The following LRRC8C variants were observed in gnomAD, a reference collection of about 807,000 sequenced individuals.
LRRC8C encodes volume-regulated anion channel subunit LRRC8C.
In LRRC8C, 20 loss-of-function variants were observed where a neutral mutation model predicts 55.3. The observed-to-expected ratio is 0.36, with a 90% CI of 0.25 to 0.53. LRRC8C has a LOEUF of 0.53. Among genes scored for constraint, LRRC8C ranks in the 20% least tolerant of loss-of-function variants. The pLI is 0.92. For synonymous variants in LRRC8C, 376 were observed against 360.7 expected (o/e 1.04, Z -0.48); for missense variants, 659 against 951.4 (o/e 0.69, Z 4.04).
chr1:89,631,312 A>AT (rs768763972), upstream of LRRC8C, among the ~76,000 whole-genome samples: 11 of 152,124 alleles, frequency 7.2e-5, no homozygotes, highest in Non-Finnish European at 1.5e-4. Flanking sequence ...AAGAATAGGG[A>AT]TTTCATCCTG....
At position 89,694,925 on chromosome 1, in the gene LRRC8C, T is replaced by C. The variant is rs868143923; in HGVS notation, c.138+8314T>C. On this transcript the variant is annotated intron_variant, in intron 2 of 2. Coordinates refer to ENST00000370454, the MANE Select transcript of LRRC8C (RefSeq NM_032270.5). ...CTGTTTCTAATAAAAGTATAAAGAC[T>C]TTTTTTTTTTTTTTTTGATACAGAG... Among the ~76,000 whole-genome samples the C allele has an allele frequency of 9.3e-3, 1,061 of 113,516 alleles. 7 individuals are homozygous for C. The highest frequency in any genetic ancestry group is 0.044 in the African/African-American group (1,024 of 23,106). 74.5% of individuals were successfully genotyped at this position (113,516 alleles called of 152,430 possible). A position where few individuals can be genotyped will look rare whatever the true frequency, so the allele number is the denominator to read the frequency against.
intron 1 of LRRC8C, among the ~76,000 whole-genome samples, chr1:89,681,975 A>G (rs1281187206): frequency 6.6e-6 from 1 of 152,188 alleles, no homozygotes. Flanking sequence ...CAGGAGATCG[A>G]GACCATCCTG....
chr1:89,661,465 G>C (rs1490136361), intron 1 of LRRC8C: 2 of 202,678 alleles, frequency 9.9e-6, no homozygotes, highest in Non-Finnish European at 2.1e-5. Flanking sequence ...CATGTTTGCT[G>C]AAGAGGCCTC....
At chr1:89,692,919 T>A (rs995877060) in intron 2 of LRRC8C, among the ~76,000 whole-genome samples, 1 of 152,184 alleles carries the variant, frequency 6.6e-6, no homozygotes, top group African/African-American at 2.4e-5. Context: ...GGTTATCTTA[T>A]TATGACCAAA....
chr1:89,698,967 C>T (rs999399782), intron 2 of LRRC8C, among the ~76,000 whole-genome samples: 6 of 149,896 alleles, frequency 4.0e-5, no homozygotes, highest in Admixed American at 6.7e-5. Flanking sequence ...AGACAAGTCC[C>T]GAAGGTGGAA....
chr1:89,714,057 T>C lies in LRRC8C; in HGVS notation c.1487T>C (p.Leu496Ser), dbSNP rs1658734294. Residue 496 changes from leucine (L) to serine (S), a missense_variant, in exon 3 of 3, where the codon TTG becomes TCG. This residue lies in a region of LRRC8C where 344 missense variants were observed against 464.6 expected (regional missense o/e 0.74). Coordinates refer to ENST00000370454, the MANE Select transcript of LRRC8C (RefSeq NM_032270.5). This position sits in a 1 kb window ranked among gnomAD's most constrained non-coding sequence, Gnocchi z 4.6. The part of the protein sequence containing the change: ...LSFLKENLKV[L>S]SVKFDDMREL... The stretch of plus-strand genomic sequence containing the variant: ...TTCCTGAAGGAAAACCTCAAGGTCT[T>C]GAGCGTCAAGTTTGATGACATGAGG... The C allele has an allele frequency of 6.2e-7, 1 of 1,613,828 alleles. No homozygotes were observed. Among genetic ancestry groups the C allele is most frequent in the Non-Finnish European group, 8.5e-7 (1 of 1,180,016 alleles).
chr1:89,684,051 C>T (rs1272982742), intron 1 of LRRC8C, among the ~76,000 whole-genome samples: 1 of 151,906 alleles, frequency 6.6e-6, no homozygotes, highest in East Asian at 1.9e-4. Context: ...AATGATGTAT[C>T]TTGATGGATG....
the LRRC8C span, among the ~76,000 whole-genome samples, chr1:89,618,443 C>T: frequency 6.6e-6 from 1 of 152,194 alleles, no homozygotes. Flanking sequence ...TGAGCAGCTA[C>T]TCTGGGCCAG....
intron 1 of LRRC8C, among the ~76,000 whole-genome samples, chr1:89,665,942 A>C (rs1557654117): frequency 6.6e-6 from 1 of 152,136 alleles, no homozygotes; most frequent in Non-Finnish European, 1.5e-5. Flanking sequence ...ACTTACTATT[A>C]TGTTGCAGTT....
rs1049480296 is a variant in LRRC8C, at chr1:89,701,688, G to T, written c.139-11021G>T. ...TAATAATTTGTCTCGACTAATTTTTGTATTATGATACACACATCTGCGAAA... is the reference window on the plus strand; with the variant it reads ...TAATAATTTGTCTCGACTAATTTTTTTATTATGATACACACATCTGCGAAA... On this transcript the variant is annotated intron_variant, in intron 2 of 2. Transcript: ENST00000370454. 2.6e-5 allele frequency among the ~76,000 whole-genome samples: 4 copies of T among 152,060 alleles called. 1 individual carries two copies. The highest frequency in any genetic ancestry group is 9.7e-5 in the African/African-American group (4 of 41,390).
intron 1 of LRRC8C, among the ~76,000 whole-genome samples, chr1:89,644,745 T>A (rs1656567702): frequency 6.6e-6 from 1 of 152,192 alleles, no homozygotes; most frequent in African/African-American, 2.4e-5. Context: ...ATATAAACTC[T>A]TACCAAATCT....
chr1:89,655,485 C>T (rs1656918418), intron 1 of LRRC8C, among the ~76,000 whole-genome samples: 1 of 152,110 alleles, frequency 6.6e-6, no homozygotes, highest in Non-Finnish European at 1.5e-5. Flanking sequence ...CTTCAAATGT[C>T]TTAGTTTGTT....
At chr1:89,646,604 A>G (rs1656622132) in intron 1 of LRRC8C, among the ~76,000 whole-genome samples, 1 of 152,108 alleles carries the variant, frequency 6.6e-6, no homozygotes, top group African/African-American at 2.4e-5. Context: ...AAGATTTTCT[A>G]TCAATCTCAT....
chr1:89,622,686 G>A, the LRRC8C span, among the ~76,000 whole-genome samples: 3 of 152,260 alleles, frequency 2.0e-5, no homozygotes, highest in Admixed American at 6.5e-5. Flanking sequence ...CTCAGCAAAT[G>A]TTAATCAGCT....
chr1:89,648,230 T>C (rs1656666631), intron 1 of LRRC8C, among the ~76,000 whole-genome samples: 1 of 152,222 alleles, frequency 6.6e-6, no homozygotes, highest in Non-Finnish European at 1.5e-5. Context: ...CTAATTTTAA[T>C]ATTAGCCCCT....
chr1:89,630,817 G>C (rs1394421378), upstream of LRRC8C, among the ~76,000 whole-genome samples: 8 of 152,200 alleles, frequency 5.3e-5, no homozygotes, highest in African/African-American at 1.9e-4. Flanking sequence ...ATGTGAATTA[G>C]GTGGACTGAG....
the LRRC8C span, among the ~76,000 whole-genome samples, chr1:89,621,332 G>A: frequency 2.0e-5 from 3 of 151,688 alleles, no homozygotes; most frequent in African/African-American, 2.4e-5. Flanking sequence ...AGCCAGGCGT[G>A]GTGGCAGGCG....
chr1:89,715,670 A>G lies in LRRC8C; in HGVS notation c.*688A>G, dbSNP rs113149909. The G allele has an allele frequency of 6.6e-6, 1 of 152,230 alleles. No homozygotes were observed. Among genetic ancestry groups the G allele is most frequent in the African/African-American group, 2.4e-5 (1 of 41,464 alleles). The allele number at this position is 152,230 out of a possible 1,614,324, so 9.4% of individuals were successfully genotyped here. A position where few individuals can be genotyped will look rare whatever the true frequency, so the allele number is the denominator to read the frequency against. On this transcript the variant is annotated 3_prime_UTR_variant, in exon 3 of 3. Coordinates refer to ENST00000370454, the MANE Select transcript of LRRC8C (RefSeq NM_032270.5). ...TGCATTTTACCAACATTTTAAAAAT[A>G]TTTAAAACCTAAATACAGAGGCTCC... is the stretch of plus-strand genomic sequence containing the variant.
chr1:89,632,832 G>A (rs918013049), upstream of LRRC8C: 1 of 152,446 alleles, frequency 6.6e-6, no homozygotes, highest in Non-Finnish European at 1.5e-5. Flanking sequence ...AGCGGAGAGA[G>A]GATTTCTCTC....
Sources: gnomAD v4.1 joint callset for allele counts (sites outside exome capture counted in the v4.1 genomes callset) on GRCh38, gnomAD v4.1.1 for gene constraint, gnomAD v4.1.1 regional missense constraint, Gnocchi (gnomAD v3.1) non-coding constraint, MANE v1.5 for transcripts, NCBI Gene and HGNC (gene_info 2026-07-23, HGNC 2026-07-21) for gene names.